NSMCE2: variants seen among roughly 807,000 people sequenced by gnomAD.
NSMCE2 encodes the protein NSE2 SUMO ligase component of SMC5/6 complex, also known as E3 SUMO-protein ligase NSE2.
A neutral mutation model predicts 23.8 loss-of-function variants in NSMCE2; 24 were observed. The observed-to-expected ratio is 1.01, with a 90% CI of 0.73 to 1.42. The LOEUF is 1.42. Among genes scored for constraint, NSMCE2 ranks in the 40% most tolerant of loss-of-function variants. The pLI is 0.00. For missense variants in NSMCE2, 284 were observed against 296.5 expected, an observed-to-expected ratio of 0.96 and a Z score of 0.31; for synonymous variants, 92 against 94.1, an observed-to-expected ratio of 0.98 and a Z score of 0.13.
At chr8:125,231,819 T>C (rs1456520854) in intron 5 of NSMCE2, among the ~76,000 whole-genome samples, 1 of 152,198 alleles carries the variant, frequency 6.6e-6, no homozygotes, top group African/African-American at 2.4e-5. Context: ...TTTATAAATC[T>C]GTTCTCTCTA....
intron 5 of NSMCE2, among the ~76,000 whole-genome samples, chr8:125,287,522 G>T (rs1827947758): frequency 1.3e-5 from 2 of 152,016 alleles, no homozygotes; most frequent in Admixed American, 1.3e-4. Flanking sequence ...TAAAATAAAT[G>T]ACCTAAGTAA....
At chr8:125,115,356 A>G (rs542917855) in intron 3 of NSMCE2, among the ~76,000 whole-genome samples, 3 of 152,352 alleles carry the variant, frequency 2.0e-5, no homozygotes, top group Admixed American at 2.0e-4. Flanking sequence ...AAAGTAACAA[A>G]GCCTATATAT....
chr8:125,322,912 A>C (rs1402284781), intron 5 of NSMCE2, among the ~76,000 whole-genome samples: 1 of 152,236 alleles, frequency 6.6e-6, no homozygotes, highest in Admixed American at 6.5e-5. Flanking sequence ...TACAAGGAGT[A>C]GCTGGGTGTG....
chr8:125,192,217 A>G (rs34110249), intron 5 of NSMCE2, among the ~76,000 whole-genome samples: 10,095 of 152,140 alleles, frequency 0.066, 436 homozygotes, highest in South Asian at 0.16. Flanking sequence ...TATCTTGTTG[A>G]GTTATAATTC....
At chr8:125,325,225 A>C (rs1430734535) in intron 5 of NSMCE2, among the ~76,000 whole-genome samples, 1 of 151,992 alleles carries the variant, frequency 6.6e-6, no homozygotes, top group Non-Finnish European at 1.5e-5. Context: ...AGGCTGCAGT[A>C]CACTATGATA....
chr8:125,249,027 C>T (rs1022292752), intron 5 of NSMCE2, among the ~76,000 whole-genome samples: 2 of 151,976 alleles, frequency 1.3e-5, no homozygotes, highest in African/African-American at 2.4e-5. Flanking sequence ...AAAAATTAGC[C>T]GAGTATGGTG....
At chr8:125,252,587 A>G (rs535511698) in intron 5 of NSMCE2, among the ~76,000 whole-genome samples, 2 of 152,212 alleles carry the variant, frequency 1.3e-5, no homozygotes, top group Non-Finnish European at 2.9e-5. Context: ...GCATTTGACT[A>G]TCTCAAAAAT....
At chr8:125,255,112 T>C (rs1331929773) in intron 5 of NSMCE2, among the ~76,000 whole-genome samples, 2 of 151,978 alleles carry the variant, frequency 1.3e-5, no homozygotes, top group African/African-American at 4.8e-5. Flanking sequence ...TGATGAAGCC[T>C]AAAGACCCAA....
At chr8:125,239,366 G>C (rs1015721985) in intron 5 of NSMCE2, among the ~76,000 whole-genome samples, 1 of 152,052 alleles carries the variant, frequency 6.6e-6, no homozygotes, top group African/African-American at 2.4e-5. Context: ...CCCAACACTT[G>C]GGGAGGCCAG....
intron 7 of NSMCE2, among the ~76,000 whole-genome samples, chr8:125,360,038 G>A (rs576034039): frequency 3.9e-5 from 6 of 152,274 alleles, no homozygotes; most frequent in East Asian, 1.9e-4. Flanking sequence ...TACAGTTAAC[G>A]ACATTTGACG....
chr8:125,332,849 C>T (rs1206073811), intron 5 of NSMCE2, among the ~76,000 whole-genome samples: 2 of 152,174 alleles, frequency 1.3e-5, no homozygotes, highest in Non-Finnish European at 2.9e-5. Flanking sequence ...GTCTTATGAA[C>T]CAACCTTTGA....
intron 3 of NSMCE2, among the ~76,000 whole-genome samples, chr8:125,111,432 C>T (rs1411040643): frequency 6.6e-6 from 1 of 152,124 alleles, no homozygotes; most frequent in South Asian, 2.1e-4. Flanking sequence ...AAATTGTGAT[C>T]ATCCATAACC....
chr8:125,344,471 C>T (rs1314745464), intron 5 of NSMCE2, among the ~76,000 whole-genome samples: 5 of 152,148 alleles, frequency 3.3e-5, no homozygotes, highest in East Asian at 1.9e-4. Flanking sequence ...TGGCCGGTCA[C>T]GGTAGCTCAC....
intron 4 of NSMCE2, among the ~76,000 whole-genome samples, chr8:125,181,743 T>C (rs753066031): frequency 6.6e-6 from 1 of 151,892 alleles, no homozygotes; most frequent in African/African-American, 2.4e-5. Context: ...AATAACCACT[T>C]GTGAGTGTGA....
chr8:125,322,953 G>T (rs1239347991), intron 5 of NSMCE2, among the ~76,000 whole-genome samples: 1 of 152,186 alleles, frequency 6.6e-6, no homozygotes, highest in East Asian at 1.9e-4. Flanking sequence ...CACCTACTTG[G>T]GAGGCTGAGG....
intron 7 of NSMCE2, among the ~76,000 whole-genome samples, chr8:125,358,959 A>G (rs1813405241): frequency 6.6e-6 from 1 of 152,076 alleles, no homozygotes. Flanking sequence ...TGAGTTTTTG[A>G]GTTAACAGTT....
At chr8:125,109,784 C>T (rs755207098) in intron 3 of NSMCE2, among the ~76,000 whole-genome samples, 2 of 152,046 alleles carry the variant, frequency 1.3e-5, no homozygotes, top group African/African-American at 2.4e-5. Context: ...GCCTGTGTTA[C>T]GTTAGAATAT....
chr8:125,169,666 A>G (rs1408222344), intron 4 of NSMCE2, among the ~76,000 whole-genome samples: 1 of 152,124 alleles, frequency 6.6e-6, no homozygotes, highest in African/African-American at 2.4e-5. Flanking sequence ...GGCTGCACAC[A>G]GTTGCTGTCT....
intron 5 of NSMCE2, among the ~76,000 whole-genome samples, chr8:125,310,884 T>G (rs1223510407): frequency 6.6e-6 from 1 of 152,234 alleles, no homozygotes; most frequent in Non-Finnish European, 1.5e-5. Context: ...ATGAAATGCC[T>G]TATGTTTGTG....
Sources: gnomAD v4.1 joint callset for allele counts (sites outside exome capture counted in the v4.1 genomes callset) on GRCh38, gnomAD v4.1.1 for gene constraint, MANE v1.5 for transcripts, NCBI Gene and HGNC (gene_info 2026-07-23, HGNC 2026-07-21) for gene names.